Variants in PTPRD observed in about 807,000 individuals in gnomAD.
PTPRD encodes the protein receptor-type tyrosine-protein phosphatase delta.
Under a neutral mutation model 214.5 loss-of-function variants are expected in PTPRD, and 34 were observed. That is an observed-to-expected ratio of 0.16 (90% CI 0.12 to 0.21). The LOEUF (loss-of-function observed/expected upper bound fraction) is 0.21, where lower values mean the gene tolerates loss of function less well. Among genes scored for constraint, PTPRD ranks in the 10% least tolerant of loss-of-function variants. The probability of loss-of-function intolerance (pLI) is 1.00; values close to 1 mark genes in which losing one functional copy is unlikely to be tolerated. For synonymous variants in PTPRD, 1,128 were observed against 845.7 expected (o/e 1.33, Z -5.79); for missense variants, 2,545 against 2,398.7 (o/e 1.06, Z -1.27).
chr9:9,456,893 A>G (rs1400376079), intron 8 of PTPRD, among the ~76,000 whole-genome samples: 3 of 151,954 alleles, frequency 2.0e-5, no homozygotes, highest in Non-Finnish European at 4.4e-5. Flanking sequence ...TTTTCAAAAG[A>G]AGAGAGGAAG....
Position 8,486,019 on chromosome 9 carries a change from G to A in PTPRD, c.2798C>T (p.Thr933Ile), listed in dbSNP as rs1231220042. 4.3e-6 allele frequency: 7 copies of A among 1,614,076 alleles called. No homozygotes were observed. Among genetic ancestry groups the A allele is most frequent in the Non-Finnish European group, 5.9e-6 (7 of 1,180,034 alleles). ...TGGTTGCCAAGATAACTGGACGGAG[G>A]TTGAAGTGGTGCCTTCTGAGTGAAG... ...QNLHSEGTTS[T>I]SVQLSWQPPV... Residue 933 changes from threonine to isoleucine, a missense_variant, in exon 28 of 46, where the codon ACC becomes ATC. By Grantham distance (89) the Thr-to-Ile change is moderately conservative. Transcript: ENST00000381196.
intron 3 of PTPRD, among the ~76,000 whole-genome samples, chr9:10,047,521 T>C (rs2097428781): frequency 6.6e-6 from 1 of 152,092 alleles, no homozygotes; most frequent in South Asian, 2.1e-4. Context: ...AATATCTTCC[T>C]TGTGTTTGCA....
At chr9:9,613,879 T>A (rs548623879) in intron 7 of PTPRD, among the ~76,000 whole-genome samples, 1 of 152,260 alleles carries the variant, frequency 6.6e-6, no homozygotes, top group Non-Finnish European at 1.5e-5. Context: ...TAACCTAGAT[T>A]TAGAAACATG....
At chr9:8,598,197 G>C (rs575654253) in intron 14 of PTPRD, among the ~76,000 whole-genome samples, 1 of 152,134 alleles carries the variant, frequency 6.6e-6, no homozygotes, top group Admixed American at 6.6e-5. Flanking sequence ...TTCAAAAATA[G>C]CCAGTGCACT....
chr9:8,583,599 T>A (rs568436650), intron 14 of PTPRD, among the ~76,000 whole-genome samples: 2 of 152,210 alleles, frequency 1.3e-5, no homozygotes, highest in African/African-American at 4.8e-5. Context: ...TTTGAAAACA[T>A]GAAAACCTAT....
chr9:10,251,908 C>A (rs2092807029), intron 3 of PTPRD, among the ~76,000 whole-genome samples: 1 of 152,000 alleles, frequency 6.6e-6, no homozygotes, highest in African/African-American at 2.4e-5. Flanking sequence ...TTCTGGTGAT[C>A]CATTGCAGAG....
At chr9:8,379,345 A>G (rs1002158562) in intron 37 of PTPRD, among the ~76,000 whole-genome samples, 7 of 152,050 alleles carry the variant, frequency 4.6e-5, no homozygotes, top group Non-Finnish European at 1.0e-4. Context: ...GCACCTCAGT[A>G]CTTCCTTTCT....
chr9:8,408,144 A>G (rs1444289122), intron 35 of PTPRD, among the ~76,000 whole-genome samples: 1 of 152,132 alleles, frequency 6.6e-6, no homozygotes, highest in East Asian at 1.9e-4. Flanking sequence ...AAAATGAAGA[A>G]AGAGCAATGT....
chr9:10,408,363 T>G (rs780501965), intron 2 of PTPRD, among the ~76,000 whole-genome samples: 14 of 151,564 alleles, frequency 9.2e-5, no homozygotes, highest in Non-Finnish European at 1.8e-4. Flanking sequence ...GCTATAATCT[T>G]TCACTATGTC....
chr9:10,603,258 C>T (rs570792370), intron 2 of PTPRD, among the ~76,000 whole-genome samples: 101 of 151,890 alleles, frequency 6.6e-4, no homozygotes, highest in Admixed American at 2.0e-4. Flanking sequence ...ATTTGTGCCA[C>T]GCTTAACTCT....
intron 11 of PTPRD, among the ~76,000 whole-genome samples, chr9:8,992,769 G>C (rs1028407671): frequency 6.6e-6 from 1 of 152,106 alleles, no homozygotes; most frequent in African/African-American, 2.4e-5. Context: ...TTGTTAGCTG[G>C]TTCTGACTAG....
intron 3 of PTPRD, among the ~76,000 whole-genome samples, chr9:10,302,901 C>A (rs1452423258): frequency 6.6e-6 from 1 of 152,158 alleles, no homozygotes; most frequent in Admixed American, 6.6e-5. Context: ...CAGCTCTGAA[C>A]CAAGTGGACC....
intron 16 of PTPRD, 106 bp downstream of exon 16, chr9:8,527,239 C>T: frequency 1.6e-6 from 2 of 1,223,528 alleles, no homozygotes; most frequent in Non-Finnish European, 2.3e-6. Flanking sequence ...GGTGTCTACA[C>T]TGACAGTTAG....
chr9:9,490,968 T>TAAA (rs2095868970), intron 8 of PTPRD, among the ~76,000 whole-genome samples: 1 of 151,382 alleles, frequency 6.6e-6, no homozygotes, highest in Non-Finnish European at 1.5e-5. Flanking sequence ...TGAACTAATA[T>TAAA]AAATATAAAT....
chr9:9,162,428 A>C (rs1217839156), intron 10 of PTPRD, among the ~76,000 whole-genome samples: 1 of 152,034 alleles, frequency 6.6e-6, no homozygotes, highest in Non-Finnish European at 1.5e-5. Flanking sequence ...CTGGGGGAAA[A>C]CTTTTGGACT....
chr9:9,605,780 T>C (rs987650947), intron 7 of PTPRD, among the ~76,000 whole-genome samples: 1 of 152,084 alleles, frequency 6.6e-6, no homozygotes, highest in Non-Finnish European at 1.5e-5. Context: ...TTATTATTAT[T>C]GAGATTAATG....
intron 3 of PTPRD, among the ~76,000 whole-genome samples, chr9:10,143,991 A>C (rs567902876): frequency 2.6e-4 from 39 of 152,224 alleles, no homozygotes; most frequent in Non-Finnish European, 3.1e-4. Flanking sequence ...TTATACTCCA[A>C]GCCTCAGCAT....
intron 11 of PTPRD, among the ~76,000 whole-genome samples, chr9:8,872,899 GTCA>G (rs1395246504): frequency 6.6e-6 from 1 of 152,124 alleles, no homozygotes; most frequent in African/African-American, 2.4e-5. Context: ...AGAAAAACAA[GTCA>G]TCATTGCATT....
At chr9:9,156,774 T>G (rs2154492050) in intron 10 of PTPRD, among the ~76,000 whole-genome samples, 1 of 152,312 alleles carries the variant, frequency 6.6e-6, no homozygotes, top group East Asian at 1.9e-4. Flanking sequence ...ATTTAGCTGA[T>G]GGATCAGGGA....
Sources: allele counts gnomAD v4.1 joint callset (sites outside exome capture counted in the v4.1 genomes callset), GRCh38; gene constraint gnomAD v4.1.1; transcripts MANE v1.5; gene names NCBI Gene and HGNC (gene_info 2026-07-23, HGNC 2026-07-21).